BIRC6: variants seen among roughly 807,000 people sequenced by gnomAD.
BIRC6 encodes baculoviral IAP repeat containing 6.
A neutral mutation model predicts 503.3 loss-of-function variants in BIRC6; 98 were observed. The observed-to-expected ratio is 0.19, with a 90% confidence interval of 0.17 to 0.23. BIRC6 has a LOEUF of 0.23. Ranked by LOEUF, BIRC6 falls within the 10% of genes least tolerant of loss-of-function variation. The pLI is 1.00. For missense variants in BIRC6, 5,360 were observed against 5,806.0 expected (o/e 0.92, Z 2.50); for synonymous variants, 2,240 against 2,078.7 (o/e 1.08, Z -2.11).
At position 32,463,229 on chromosome 2, in the gene BIRC6, C is replaced by T. The variant is rs746870941; in HGVS notation, c.4789C>T (p.Leu1597=). 1.2e-6 allele frequency: 2 copies of T among 1,613,320 alleles called. No individual in the cohort carries two copies. The highest frequency in any genetic ancestry group is 1.7e-4 in the Middle Eastern group (1 of 6,060). ...SFGVTPAVGG[L]SSGTVGEAST... ...CGGGGTTACTCCTGCAGTAGGTGGA[C>T]TATCATCTGGGACAGTTGGGGAAGC... Residue 1597 remains leucine (L), a synonymous_variant, in exon 24 of 74, where the codon CTA becomes TTA. Coordinates refer to ENST00000421745, the MANE Select transcript of BIRC6 (RefSeq NM_016252.4).
chr2:32,399,704 A>G (rs1467317737), intron 6 of BIRC6, among the ~76,000 whole-genome samples: 2 of 152,220 alleles, frequency 1.3e-5, no homozygotes, highest in African/African-American at 4.8e-5. Flanking sequence ...CCTGCTTACA[A>G]TATTTGAGAT....
At chr2:32,373,363 T>A (rs544566713) in intron 1 of BIRC6, among the ~76,000 whole-genome samples, 2 of 152,266 alleles carry the variant, frequency 1.3e-5, no homozygotes, top group East Asian at 3.9e-4. Flanking sequence ...GTAATCAATA[T>A]AGCAAAGTAC....
At position 32,414,970 on chromosome 2, in the gene BIRC6, A is replaced by C. The variant is rs150426823; in HGVS notation, c.1679A>C (p.His560Pro). 3.4e-3 allele frequency: 5,517 copies of C among 1,614,004 alleles called. 15 individuals are homozygous for C. Among genetic ancestry groups the C allele is most frequent in the Non-Finnish European group, 3.8e-3 (4,514 of 1,179,884 alleles). Reference protein sequence around the residue: ...EKTKEKHQEQHNIPFPCLLAG... With the variant: ...EKTKEKHQEQPNIPFPCLLAG... ...ACAAAGGAAAAGCACCAGGAGCAAC[A>C]CAACATTCCTTTTCCATGTTTATTA... Residue 560 changes from histidine (H) to proline (P), a missense_variant, in exon 10 of 74, where the codon CAC becomes CCC. By Grantham distance (77) the His-to-Pro change is moderately conservative. Coordinates refer to ENST00000421745, the MANE Select transcript of BIRC6 (RefSeq NM_016252.4).
Position 32,463,242 on chromosome 2 carries a change from C to T in BIRC6, c.4802C>T (p.Thr1601Ile), listed in dbSNP as rs769761198. The T allele has an allele frequency of 6.2e-7, 1 of 1,613,540 alleles. No individual in the cohort carries two copies. ...TPAVGGLSSG[T>I]VGEASTALSS... ...GCAGTAGGTGGACTATCATCTGGGA[C>T]AGTTGGGGAAGCCTCGACAGCCCTG... is the stretch of plus-strand genomic sequence containing the variant. The change falls in exon 24 of 74, where the codon ACA becomes ATA. Residue 1601 changes from threonine to isoleucine, a missense_variant. Coordinates refer to ENST00000421745, the MANE Select transcript of BIRC6 (RefSeq NM_016252.4).
intron 5 of BIRC6, 29 bp downstream of exon 5, chr2:32,392,179 T>C (rs543235381): frequency 6.9e-7 from 1 of 1,452,578 alleles, no homozygotes; most frequent in Non-Finnish European, 9.4e-7. Flanking sequence ...AAAATACTTT[T>C]CTCAGTAGGC....
At chr2:32,510,670 A>G (rs754650920) in intron 53 of BIRC6, 36 bp downstream of exon 53, 3 of 1,303,152 alleles carry the variant, frequency 2.3e-6, no homozygotes, top group South Asian at 1.2e-5. Flanking sequence ...AAGCACACAC[A>G]TGCACATAAT....
chr2:32,459,303 T>G (rs1442174284), intron 23 of BIRC6, among the ~76,000 whole-genome samples: 2 of 152,228 alleles, frequency 1.3e-5, no homozygotes, highest in Non-Finnish European at 2.9e-5. Context: ...TATTCCATTT[T>G]GTTTAGGCAT....
chr2:32,591,969 G>A lies in BIRC6; in HGVS notation c.13356-1946G>A, dbSNP rs190731152. ...ATGCAGAAGTTGGTAATCTGTTTGA[G>A]TTACTCTACCAGAATCATGTCTTTA... is the stretch of plus-strand genomic sequence containing the variant. On this transcript the variant is annotated intron_variant, in intron 66 of 73. Coordinates refer to ENST00000421745, the MANE Select transcript of BIRC6 (RefSeq NM_016252.4). Among the ~76,000 whole-genome samples the A allele has an allele frequency of 3.2e-4, 49 of 152,236 alleles. No individual in the cohort carries two copies. The East Asian group carries it at 7.7e-3, about 24-fold the overall frequency.
chr2:32,484,220 G>A (rs1320903691), intron 39 of BIRC6, among the ~76,000 whole-genome samples: 1 of 152,066 alleles, frequency 6.6e-6, no homozygotes, highest in Admixed American at 6.6e-5. Context: ...AATGGTACTC[G>A]GAAACTATAA....
At chr2:32,411,223 A>C (rs2041836583) in intron 9 of BIRC6, among the ~76,000 whole-genome samples, 1 of 150,372 alleles carries the variant, frequency 6.7e-6, no homozygotes, top group African/African-American at 2.5e-5. Context: ...TTTTTAGTAG[A>C]GACGGGAGTT....
intron 69 of BIRC6, among the ~76,000 whole-genome samples, chr2:32,598,539 T>C (rs1400071697): frequency 6.6e-6 from 1 of 152,214 alleles, no homozygotes; most frequent in East Asian, 1.9e-4. Context: ...TCTACTTTTA[T>C]GTTTAACACG....
intron 20 of BIRC6, 34 bp downstream of exon 20, chr2:32,443,622 A>T (rs1365519608): frequency 6.9e-7 from 1 of 1,440,622 alleles, no homozygotes; most frequent in Non-Finnish European, 9.6e-7. Context: ...AAATAGTTAT[A>T]GTCATATGGA....
intron 9 of BIRC6, among the ~76,000 whole-genome samples, chr2:32,414,296 A>G (rs934334891): frequency 6.6e-6 from 1 of 152,176 alleles, no homozygotes. Flanking sequence ...AAATAAGTAA[A>G]TAAAAAATGT....
intron 3 of BIRC6, among the ~76,000 whole-genome samples, chr2:32,386,592 A>C (rs541633394): frequency 6.6e-6 from 1 of 152,056 alleles, no homozygotes; most frequent in Non-Finnish European, 1.5e-5. Context: ...TGACAAGTGC[A>C]TGCCATCACG....
At chr2:32,497,514 A>C (rs1007101168) in intron 45 of BIRC6, among the ~76,000 whole-genome samples, 39 of 152,212 alleles carry the variant, frequency 2.6e-4, no homozygotes, top group African/African-American at 2.7e-4. Flanking sequence ...TCTTTGCCCC[A>C]AAAATTTTCA....
intron 53 of BIRC6, 27 bp downstream of exon 53, chr2:32,510,661 A>G: frequency 7.2e-7 from 1 of 1,386,966 alleles, no homozygotes; most frequent in Non-Finnish European, 1.0e-6. Flanking sequence ...CATTTAATTA[A>G]GCACACACAT....
intron 26 of BIRC6, 84 bp downstream of exon 26, chr2:32,465,248 G>GA: frequency 5.2e-6 from 2 of 385,414 alleles, no homozygotes; most frequent in South Asian, 5.8e-5. Context: ...TCTTCAGTTC[G>GA]ATTTTTTTTT....
At chr2:32,553,303 A>T (rs902908953) in intron 65 of BIRC6, among the ~76,000 whole-genome samples, 6 of 140,846 alleles carry the variant, frequency 4.3e-5, no homozygotes, top group Non-Finnish European at 7.6e-5. Context: ...GACTAACAGT[A>T]GTTTTCCTAC....
intron 15 of BIRC6, among the ~76,000 whole-genome samples, chr2:32,438,616 G>A (rs6733396): frequency 0.44 from 65,267 of 146,944 alleles, 14,728 homozygotes; most frequent in African/African-American, 0.54. Flanking sequence ...CTGGAGTGCA[G>A]TGGTGCCATC....
Sources: gnomAD v4.1 joint callset for allele counts (sites outside exome capture counted in the v4.1 genomes callset) on GRCh38, gnomAD v4.1.1 for gene constraint, MANE v1.5 for transcripts, NCBI Gene and HGNC (gene_info 2026-07-23, HGNC 2026-07-21) for gene names.